PTPN21: variants seen among roughly 807,000 people sequenced by gnomAD.
PTPN21 encodes the protein protein tyrosine phosphatase non-receptor type 21, also known as tyrosine-protein phosphatase non-receptor type 21.
In PTPN21, 77 loss-of-function variants were observed where a neutral mutation model predicts 131.8. That is an observed-to-expected ratio of 0.58 (90% confidence interval 0.49 to 0.71). The LOEUF (loss-of-function observed/expected upper bound fraction) is 0.71, where lower values mean the gene tolerates loss of function less well. Ranked by LOEUF, PTPN21 falls within the 30% of genes least tolerant of loss-of-function variation. The probability of loss-of-function intolerance (pLI) is 0.00; values close to 1 mark genes in which losing one functional copy is unlikely to be tolerated. For missense variants in PTPN21, 1,552 were observed against 1,527.1 expected (o/e 1.02, Z -0.27); for synonymous variants, 715 against 621.3 (o/e 1.15, Z -2.24).
chr14:88,528,773 A>C (rs1446344774), intron 2 of PTPN21, among the ~76,000 whole-genome samples: 1 of 152,224 alleles, frequency 6.6e-6, no homozygotes, highest in Non-Finnish European at 1.5e-5. Context: ...CTGTAAGTCC[A>C]TTAAATCTTC....
At chr14:88,518,386 G>GTATATGTATATATATATATA (rs2078327184) in intron 2 of PTPN21, among the ~76,000 whole-genome samples, 1 of 9,708 alleles carries the variant, frequency 1.0e-4, no homozygotes, top group Non-Finnish European at 2.2e-4. Flanking sequence ...GTGTGTGTGT[G>GTATATGTATATATATATATA]TATATATATA....
intron 1 of PTPN21, among the ~76,000 whole-genome samples, chr14:88,553,052 G>A (rs1018704980): frequency 1.9e-4 from 29 of 152,122 alleles, no homozygotes; most frequent in Non-Finnish European, 3.8e-4. Flanking sequence ...ATTCAAATAT[G>A]GTAGTCTTTT....
chr14:88,478,832 G>T, intron 13 of PTPN21, 88 bp downstream of exon 13: 3 of 837,976 alleles, frequency 3.6e-6, no homozygotes, highest in Non-Finnish European at 5.1e-6. Flanking sequence ...AACAAGAGGA[G>T]CTGAAAAACA....
chr14:88,512,142 A>G (rs1306375921), intron 3 of PTPN21, among the ~76,000 whole-genome samples: 1 of 152,186 alleles, frequency 6.6e-6, no homozygotes, highest in Non-Finnish European at 1.5e-5. Context: ...CGTTTTCTGC[A>G]TCCATCCTGT....
intron 2 of PTPN21, among the ~76,000 whole-genome samples, chr14:88,519,554 C>A (rs868408597): frequency 5.9e-5 from 9 of 152,098 alleles, no homozygotes; most frequent in South Asian, 4.2e-4. Context: ...GACCTGCAAT[C>A]CTCATTCAAG....
At chr14:88,486,753 G>C (rs1038114315) in intron 10 of PTPN21, among the ~76,000 whole-genome samples, 3 of 152,040 alleles carry the variant, frequency 2.0e-5, no homozygotes, top group African/African-American at 7.2e-5. Flanking sequence ...AAGGCGGGTG[G>C]ATCACCTGAA....
At chr14:88,527,425 C>T (rs141001117) in intron 2 of PTPN21, among the ~76,000 whole-genome samples, 99 of 152,210 alleles carry the variant, frequency 6.5e-4, no homozygotes, top group African/African-American at 2.2e-3. Flanking sequence ...AACAGTTTTC[C>T]ATACGTTTCT....
At chr14:88,530,455 A>C (rs2078540424) in intron 2 of PTPN21, among the ~76,000 whole-genome samples, 1 of 152,180 alleles carries the variant, frequency 6.6e-6, no homozygotes, top group Admixed American at 6.6e-5. Flanking sequence ...CTTGAATGTA[A>C]ATGGTCCTAA....
intron 2 of PTPN21, among the ~76,000 whole-genome samples, chr14:88,523,477 C>T (rs1473484045): frequency 1.3e-5 from 2 of 151,990 alleles, no homozygotes; most frequent in Non-Finnish European, 2.9e-5. Flanking sequence ...TTAGGAAAAA[C>T]CCACAGCTAA....
chr14:88,510,581 A>T (rs1026471930), intron 3 of PTPN21, among the ~76,000 whole-genome samples: 3 of 152,214 alleles, frequency 2.0e-5, no homozygotes, highest in African/African-American at 7.2e-5. Context: ...AGTATGTTAC[A>T]TGACAGTCCA....
At chr14:88,527,060 T>C (rs2078490059) in intron 2 of PTPN21, among the ~76,000 whole-genome samples, 1 of 152,228 alleles carries the variant, frequency 6.6e-6, no homozygotes, top group South Asian at 2.1e-4. Context: ...AGTTGGTTGA[T>C]GGACATTTAG....
Position 88,550,473 on chromosome 14 carries a change from C to G in PTPN21, c.-56G>C, listed in dbSNP as rs958902744. 7.2e-6 allele frequency: 11 copies of G among 1,518,344 alleles called. No homozygotes were observed. The African/African-American group carries it at 9.6e-5, about 13-fold the overall frequency. The allele number at this position is 1,518,344 out of a possible 1,614,324, so 94.1% of individuals were successfully genotyped here. A position where few individuals can be genotyped will look rare whatever the true frequency, so the allele number is the denominator to read the frequency against. The stretch of plus-strand genomic sequence containing the variant: ...AGAGGGAAAAGCTACCCCCACCAAC[C>G]CAGCGCTGGTGACGCCAGGAGAAAG... On this transcript the variant is annotated 5_prime_UTR_variant, in exon 2 of 19. Coordinates refer to ENST00000556564, the MANE Select transcript of PTPN21 (RefSeq NM_007039.4).
At position 88,469,655 on chromosome 14, in the gene PTPN21, T is replaced by C. The variant is rs1566804557; in HGVS notation, c.3079A>G (p.Lys1027Glu). ...RHNTVTYGRF[K>E]ITTRFRTDSG... ...TCTGTGCGGAACCGGGTCGTGATCT[T>C]AAACCTTCCATAGGTGACAGTGTTG... The change falls in exon 17 of 19, where the codon AAG becomes GAG. Residue 1027 changes from lysine (K) to glutamate (E), a missense_variant. Coordinates refer to ENST00000556564, the MANE Select transcript of PTPN21 (RefSeq NM_007039.4). This position sits in a 1 kb window ranked among gnomAD's most constrained non-coding sequence, Gnocchi z 4.3. 6.2e-7 allele frequency: 1 copy of C among 1,614,174 alleles called. No individual in the cohort carries two copies.
chr14:88,505,482 G>A, intron 4 of PTPN21, 111 bp from the exon 5 acceptor site: 1 of 670,520 alleles, frequency 1.5e-6, no homozygotes. Flanking sequence ...TATTTCAGAA[G>A]TCAAATTTGT....
rs1265003265 is a variant in PTPN21 at position 88,479,704 on chromosome 14, T to C, written c.1727A>G (p.Asn576Ser). 1.3e-6 allele frequency: 1 copy of C among 797,606 alleles called. No homozygotes were observed. The highest frequency in any genetic ancestry group is 5.8e-5 in the East Asian group (1 of 17,372). 49.4% of individuals were successfully genotyped at this position (797,606 alleles called of 1,614,324 possible). Reference sequence around the variant, plus strand: ...GTGGCGGGACAGGTCTGGCGTGCTGTTGGCGGGCCTGGGGGGCGGGTAGGG... The same window carrying C: ...GTGGCGGGACAGGTCTGGCGTGCTGCTGGCGGGCCTGGGGGGCGGGTAGGG... ...PPPYPPPRPA[N>S]STPDLSRHLY... is the part of the protein sequence containing the mutation. Residue 576 changes from asparagine to serine, a missense_variant, in exon 13 of 19, where the codon AAC (asparagine) becomes AGC (serine). Asn to Ser is a conservative substitution (Grantham distance 46). Coordinates refer to ENST00000556564, the MANE Select transcript of PTPN21 (RefSeq NM_007039.4).
intron 2 of PTPN21, among the ~76,000 whole-genome samples, chr14:88,546,184 C>T (rs187772636): frequency 7.3e-5 from 11 of 150,958 alleles, no homozygotes; most frequent in Admixed American, 4.6e-4. Flanking sequence ...AAAAAATACC[C>T]ATATACCCAG....
At chr14:88,540,379 A>G (rs552507079) in intron 2 of PTPN21, among the ~76,000 whole-genome samples, 60 of 152,234 alleles carry the variant, frequency 3.9e-4, no homozygotes, top group Non-Finnish European at 7.5e-4. Context: ...CCCAATGCAG[A>G]GCTATCATTC....
chr14:88,552,889 G>A (rs1379376371), intron 1 of PTPN21, among the ~76,000 whole-genome samples: 1 of 152,126 alleles, frequency 6.6e-6, no homozygotes, highest in African/African-American at 2.4e-5. Flanking sequence ...TTATAAATAT[G>A]CATACTAAAC....
chr14:88,506,595 T>C (rs192944030), intron 4 of PTPN21, among the ~76,000 whole-genome samples: 1 of 152,210 alleles, frequency 6.6e-6, no homozygotes, highest in African/African-American at 2.4e-5. Flanking sequence ...TCTATTATGA[T>C]TGATGTTATT....
Sources: allele counts gnomAD v4.1 joint callset (sites outside exome capture counted in the v4.1 genomes callset), GRCh38; gene constraint gnomAD v4.1.1; non-coding constraint Gnocchi (gnomAD v3.1); transcripts MANE v1.5; gene names NCBI Gene and HGNC (gene_info 2026-07-23, HGNC 2026-07-21).